LYPD6: variants seen among roughly 807,000 people sequenced by gnomAD.
The protein encoded by LYPD6 is ly6/PLAUR domain-containing protein 6.
In LYPD6, 15 loss-of-function variants were observed where a neutral mutation model predicts 22.7. The ratio of observed to expected loss-of-function variants is 0.66; its 90% CI spans 0.44 to 1.02. The LOEUF is 1.02. LYPD6 is among the 50% of genes least tolerant of loss of function. LYPD6 has a pLI of 0.00. For missense variants in LYPD6, 189 were observed against 208.4 expected (o/e 0.91, Z 0.57); for synonymous variants, 72 against 77.5 (o/e 0.93, Z 0.37).
At chr2:149,345,511 T>G (rs1681238573) in intron 1 of LYPD6, among the ~76,000 whole-genome samples, 1 of 151,204 alleles carries the variant, frequency 6.6e-6, no homozygotes, top group South Asian at 2.1e-4. Context: ...GAGACAGGGT[T>G]TCACCATGTT....
chr2:149,430,378 G>C (rs1020485916), intron 1 of LYPD6, among the ~76,000 whole-genome samples: 1 of 152,164 alleles, frequency 6.6e-6, no homozygotes, highest in South Asian at 2.1e-4. Context: ...GGGATTACAG[G>C]CGTGAGCTGC....
intron 1 of LYPD6, among the ~76,000 whole-genome samples, chr2:149,352,809 A>T (rs1344450188): frequency 6.6e-6 from 1 of 152,350 alleles, no homozygotes; most frequent in East Asian, 1.9e-4. Flanking sequence ...ATTTAGAGAT[A>T]TGTAAAATCC....
intron 3 of LYPD6, among the ~76,000 whole-genome samples, chr2:149,458,596 T>C (rs1222477148): frequency 6.6e-6 from 1 of 152,056 alleles, no homozygotes; most frequent in African/African-American, 2.4e-5. Context: ...TAGCAATCAA[T>C]AGACACCAAC....
intron 3 of LYPD6, among the ~76,000 whole-genome samples, chr2:149,459,375 A>G (rs940670349): frequency 3.9e-5 from 6 of 152,216 alleles, no homozygotes; most frequent in African/African-American, 1.4e-4. Flanking sequence ...TAGCAGACCT[A>G]CCTTAAAAGA....
At chr2:149,367,947 A>AATACCTGGCTG (rs1681716834) in intron 1 of LYPD6, 1 of 152,234 alleles carries the variant, frequency 6.6e-6, no homozygotes, top group Non-Finnish European at 1.5e-5. Context: ...TTCCAGGACA[A>AATACCTGGCTG]GGTATCCAAA....
chr2:149,420,615 T>C (rs544376903), intron 1 of LYPD6, among the ~76,000 whole-genome samples: 31 of 152,162 alleles, frequency 2.0e-4, no homozygotes, highest in Non-Finnish European at 4.3e-4. Flanking sequence ...GCCAAAGAAG[T>C]GAAGAGAATC....
In LYPD6 at chr2:149,470,866, A is replaced by G; in HGVS notation, c.*16A>G. 1.1e-5 allele frequency: 17 copies of G among 1,605,786 alleles called. No individual in the cohort carries two copies. The highest frequency in any genetic ancestry group is 1.4e-5 in the Non-Finnish European group (17 of 1,173,716). On this transcript the variant is annotated 3_prime_UTR_variant, in exon 5 of 5. Transcript: ENST00000334166. ...CATGTTATAGTGGCTCAGTGGCTCC[A>G]TGTGTTAATAGCGATCCATGGGGAT...
intron 1 of LYPD6, among the ~76,000 whole-genome samples, chr2:149,339,387 T>C (rs759581163): frequency 2.0e-4 from 30 of 152,184 alleles, no homozygotes; most frequent in Non-Finnish European, 4.0e-4. Context: ...TGTAACTCCA[T>C]AGACAAAGCT....
intron 1 of LYPD6, among the ~76,000 whole-genome samples, chr2:149,342,864 A>G (rs12472288): frequency 0.18 from 26,874 of 152,188 alleles, 3,041 homozygotes; most frequent in East Asian, 0.57. Context: ...CCTGTTGCCA[A>G]TGTTGTTATT....
intron 3 of LYPD6, among the ~76,000 whole-genome samples, chr2:149,467,837 C>T (rs1268903213): frequency 6.6e-6 from 1 of 152,024 alleles, no homozygotes; most frequent in African/African-American, 2.4e-5. Flanking sequence ...TTGACAAAGC[C>T]ATTTTTCTTT....
chr2:149,363,677 C>T (rs1681610567), intron 1 of LYPD6, among the ~76,000 whole-genome samples: 1 of 152,182 alleles, frequency 6.6e-6, no homozygotes, highest in African/African-American at 2.4e-5. Flanking sequence ...TCCTTTTCTG[C>T]TTACCTTATG....
chr2:149,407,248 T>G (rs528768493), intron 1 of LYPD6, among the ~76,000 whole-genome samples: 1 of 152,308 alleles, frequency 6.6e-6, no homozygotes, highest in East Asian at 1.9e-4. Flanking sequence ...TTTGTGGCGT[T>G]CTCTGTATTT....
At chr2:149,483,038 G>A in the LYPD6 span, among the ~76,000 whole-genome samples, 5 of 152,308 alleles carry the variant, frequency 3.3e-5, no homozygotes, top group East Asian at 7.7e-4. Flanking sequence ...GAGTCCCCTG[G>A]ATGAGAGCCC....
intron 1 of LYPD6, among the ~76,000 whole-genome samples, chr2:149,401,961 G>A (rs1199445494): frequency 6.6e-6 from 1 of 151,624 alleles, no homozygotes; most frequent in Non-Finnish European, 1.5e-5. Context: ...AACATGTGAT[G>A]TTTGGTTTTC....
At chr2:149,470,578 A>G (rs1681309750) in intron 4 of LYPD6, 105 bp from the exon 5 acceptor site, 1 of 949,056 alleles carries the variant, frequency 1.1e-6, no homozygotes. Flanking sequence ...AGATTAGGTA[A>G]TTTTTACTTG....
At chr2:149,450,563 A>G (rs928972690) in intron 3 of LYPD6, among the ~76,000 whole-genome samples, 1 of 152,216 alleles carries the variant, frequency 6.6e-6, no homozygotes, top group African/African-American at 2.4e-5. Flanking sequence ...ACATGGAAGC[A>G]CTAAAGATTG....
At chr2:149,476,837 A>G (rs1681455666), downstream of LYPD6, among the ~76,000 whole-genome samples, 1 of 152,182 alleles carries the variant, frequency 6.6e-6, no homozygotes, top group African/African-American at 2.4e-5. Flanking sequence ...CTACTGGTCC[A>G]ACTTCTCAGC....
chr2:149,358,556 GTTGT>G (rs1422519778), intron 1 of LYPD6, among the ~76,000 whole-genome samples: 1 of 152,160 alleles, frequency 6.6e-6, no homozygotes, highest in Non-Finnish European at 1.5e-5. Context: ...ATTGGGGGAA[GTTGT>G]TTGTTTAAAT....
intron 1 of LYPD6, among the ~76,000 whole-genome samples, chr2:149,430,970 T>G (rs915441284): frequency 3.2e-4 from 49 of 152,226 alleles, no homozygotes; most frequent in Admixed American, 2.0e-3. Flanking sequence ...AGTGCACCTC[T>G]TCTCAACTTT....
Sources: gnomAD v4.1 joint callset for allele counts (sites outside exome capture counted in the v4.1 genomes callset) on GRCh38, gnomAD v4.1.1 for gene constraint, MANE v1.5 for transcripts, NCBI Gene and HGNC (gene_info 2026-07-23, HGNC 2026-07-21) for gene names.